The following RGS6 variants were observed in gnomAD, a reference collection of about 807,000 sequenced individuals.
RGS6 encodes the protein regulator of G-protein signaling 6.
A neutral mutation model predicts 78.5 loss-of-function variants in RGS6; 30 were observed. The observed-to-expected ratio is 0.38, with a 90% CI of 0.29 to 0.52. The LOEUF is 0.52. Ranked by LOEUF, RGS6 falls within the 20% of genes least tolerant of loss-of-function variation. The pLI is 0.85. For missense variants in RGS6, 495 were observed against 609.7 expected, an observed-to-expected ratio of 0.81 and a Z score of 1.98; for synonymous variants, 206 against 206.0, an observed-to-expected ratio of 1.00 and a Z score of 0.00.
the RGS6 span, among the ~76,000 whole-genome samples, chr14:72,610,018 ACT>A: frequency 6.6e-6 from 1 of 152,080 alleles, no homozygotes; most frequent in Non-Finnish European, 1.5e-5. Flanking sequence ...CTGGAGACCC[ACT>A]CTCTTGGTCA....
At chr14:72,112,914 ACT>A (rs2095800788) in intron 2 of RGS6, among the ~76,000 whole-genome samples, 1 of 152,184 alleles carries the variant, frequency 6.6e-6, no homozygotes, top group Non-Finnish European at 1.5e-5. Context: ...GGACAGGCAG[ACT>A]CTGAAAATAT....
rs200899251 is a variant in RGS6, at chr14:72,279,352, GGTGGGGCAGC to G, written c.85-72737_85-72728del. On this transcript the variant is annotated intron_variant, in intron 2 of 17. Transcript: ENST00000553525. The stretch of plus-strand genomic sequence containing the variant: ...GAAGCTGGAAGAGAGTCTAGTGGAA[GGTGGGGCAGC>G]GTGGGCCCAGCTGCTGTTGCCTGCC... Among the ~76,000 whole-genome samples the G allele has an allele frequency of 4.0e-3, 602 of 152,218 alleles. 4 individuals are homozygous for G. The highest frequency in any genetic ancestry group is 0.013 in the African/African-American group (560 of 41,536).
At chr14:72,609,184 C>T in the RGS6 span, among the ~76,000 whole-genome samples, 8 of 152,144 alleles carry the variant, frequency 5.3e-5, no homozygotes, top group African/African-American at 9.7e-5. Flanking sequence ...TCTTTGAGAA[C>T]GTGCGAGCAT....
chr14:72,097,750 C>A (rs566089882), intron 2 of RGS6, among the ~76,000 whole-genome samples: 1 of 152,240 alleles, frequency 6.6e-6, no homozygotes, highest in African/African-American at 2.4e-5. Context: ...ATGCAGCCCA[C>A]CTCTTCTTGC....
chr14:72,609,953 G>A, the RGS6 span, among the ~76,000 whole-genome samples: 9 of 152,182 alleles, frequency 5.9e-5, no homozygotes, highest in Non-Finnish European at 1.2e-4. Context: ...GGATCAGTGG[G>A]GAGGGTGTTC....
chr14:72,000,571 G>C (rs2083234482), intron 2 of RGS6, among the ~76,000 whole-genome samples: 1 of 152,166 alleles, frequency 6.6e-6, no homozygotes, highest in Non-Finnish European at 1.5e-5. Context: ...TACAGTGGAG[G>C]ATGCCGGAAG....
At chr14:72,321,482 G>A (rs559625205) in intron 2 of RGS6, among the ~76,000 whole-genome samples, 21 of 151,976 alleles carry the variant, frequency 1.4e-4, no homozygotes, top group Admixed American at 2.0e-4. Flanking sequence ...AAAGTGTCTC[G>A]CAAACTTGAA....
At chr14:72,282,060 A>T (rs1376213613) in intron 2 of RGS6, among the ~76,000 whole-genome samples, 1 of 152,204 alleles carries the variant, frequency 6.6e-6, no homozygotes, top group Non-Finnish European at 1.5e-5. Context: ...ATTATTGTGC[A>T]TTGGATCATT....
At chr14:72,259,871 A>G (rs1044032421) in intron 2 of RGS6, among the ~76,000 whole-genome samples, 1 of 137,968 alleles carries the variant, frequency 7.2e-6, no homozygotes, top group Non-Finnish European at 1.5e-5. Flanking sequence ...AGATCGCGCC[A>G]CTGCACTCCA....
chr14:71,919,028 A>T, the RGS6 span, among the ~76,000 whole-genome samples: 1 of 151,808 alleles, frequency 6.6e-6, no homozygotes, highest in Non-Finnish European at 1.5e-5. Flanking sequence ...CAACAAAACC[A>T]TATATGATCT....
intron 2 of RGS6, among the ~76,000 whole-genome samples, chr14:72,242,453 C>T (rs1190813756): frequency 6.6e-6 from 1 of 152,148 alleles, no homozygotes; most frequent in East Asian, 1.9e-4. Flanking sequence ...TTAAAATAAC[C>T]TTTATAAAGA....
At chr14:72,373,125 C>T (rs747900560) in intron 3 of RGS6, among the ~76,000 whole-genome samples, 15 of 151,876 alleles carry the variant, frequency 9.9e-5, no homozygotes, top group Admixed American at 2.6e-4. Flanking sequence ...TCTAGGTCCT[C>T]TAGACAAAGC....
intron 12 of RGS6, among the ~76,000 whole-genome samples, chr14:72,480,694 G>C (rs1427316478): frequency 2.0e-5 from 3 of 152,192 alleles, no homozygotes; most frequent in African/African-American, 7.2e-5. Flanking sequence ...TGGGGCCAGG[G>C]AGGAGGTGCT....
intron 2 of RGS6, among the ~76,000 whole-genome samples, chr14:72,017,770 T>C (rs2153234328): frequency 6.6e-6 from 1 of 151,424 alleles, no homozygotes; most frequent in African/African-American, 2.4e-5. Context: ...GAAAATGTCT[T>C]TTTTTTTTCT....
chr14:71,890,821 TAAG>T, the RGS6 span, among the ~76,000 whole-genome samples: 1 of 152,222 alleles, frequency 6.6e-6, no homozygotes, highest in African/African-American at 2.4e-5. Flanking sequence ...CAGGAGCAAC[TAAG>T]AAGGACTCCA....
chr14:72,599,715 C>T, the RGS6 span, among the ~76,000 whole-genome samples: 1 of 151,702 alleles, frequency 6.6e-6, no homozygotes, highest in East Asian at 1.9e-4. Flanking sequence ...TGAGCCACCG[C>T]GCCTGGCCAG....
At chr14:72,354,811 T>G (rs1296220984) in intron 3 of RGS6, among the ~76,000 whole-genome samples, 1 of 152,168 alleles carries the variant, frequency 6.6e-6, no homozygotes, top group Admixed American at 6.5e-5. Flanking sequence ...CCAGATAGAT[T>G]TGGGTAATGA....
chr14:71,966,660 G>A (rs1300499784), intron 2 of RGS6, among the ~76,000 whole-genome samples: 1 of 152,176 alleles, frequency 6.6e-6, no homozygotes, highest in Non-Finnish European at 1.5e-5. Context: ...AAATGTGGGA[G>A]GAAGGTAATT....
chr14:72,150,363 C>G (rs551906329), intron 2 of RGS6, among the ~76,000 whole-genome samples: 20 of 152,174 alleles, frequency 1.3e-4, no homozygotes, highest in South Asian at 2.1e-4. Flanking sequence ...TTCCAGACTT[C>G]GGGCCTCTAA....
Sources: allele counts gnomAD v4.1 joint callset (sites outside exome capture counted in the v4.1 genomes callset), GRCh38; gene constraint gnomAD v4.1.1; transcripts MANE v1.5; gene names NCBI Gene and HGNC (gene_info 2026-07-23, HGNC 2026-07-21).